Variants in ALDH3A1 observed in about 807,000 individuals in gnomAD.
The protein encoded by ALDH3A1 is aldehyde dehydrogenase, dimeric NADP-preferring.
A neutral mutation model predicts 49.9 loss-of-function variants in ALDH3A1; 46 were observed. The ratio of observed to expected loss-of-function variants is 0.92; its 90% CI spans 0.73 to 1.18. The LOEUF (loss-of-function observed/expected upper bound fraction) is 1.18, where lower values mean the gene tolerates loss of function less well. Among genes scored for constraint, ALDH3A1 ranks in the 50% most tolerant of loss-of-function variants. The pLI is 0.00. For synonymous variants in ALDH3A1, 269 were observed against 253.3 expected, an observed-to-expected ratio of 1.06 and a Z score of -0.59; for missense variants, 592 against 611.8, an observed-to-expected ratio of 0.97 and a Z score of 0.34.
intron 6 of ALDH3A1, 65 bp downstream of exon 6, chr17:19,741,028 A>G: frequency 1.6e-6 from 2 of 1,245,310 alleles, no homozygotes; most frequent in Non-Finnish European, 2.3e-6. Flanking sequence ...AAGTTGGTTA[A>G]GGGGCCAGGC....
rs767868848 is a variant in ALDH3A1, at chr17:19,740,984, G to A, written c.807+109C>T. 1.9e-5 allele frequency: 16 copies of A among 839,814 alleles called. No individual in the cohort carries two copies. The Admixed American group carries it at 2.1e-4, about 11-fold the overall frequency. 52.0% of individuals were successfully genotyped at this position (839,814 alleles called of 1,614,324 possible). The stretch of plus-strand genomic sequence containing the variant: ...CCTAGCTTGCATTATGTTTATATTA[G>A]AAGAAAATAAATCCAGTGTTTCCAA... On this transcript the variant is annotated intron_variant, in intron 6 of 10. Transcript: ENST00000225740.
Position 19,738,336 on chromosome 17 carries a change from G to A in ALDH3A1, c.1334C>T (p.Pro445Leu), listed in dbSNP as rs748884426. 38 of 1,612,734 alleles carry A rather than the reference G, an allele frequency of 2.4e-5. No individual in the cohort carries two copies. Among genetic ancestry groups the A allele is most frequent in the African/African-American group, 8.0e-5 (6 of 74,924 alleles). The change falls in exon 10 of 11, where the codon CCG becomes CTG. Residue 445 changes from proline to leucine, a missense_variant. Transcript: ENST00000225740. ...NDEGLKVRYP[P>L]SPAKMTQH ...TCCCCCTCTCACCTTGGCCGGGCTC[G>A]GGGGGTATCTGACCTTCAGGCCTTC...
At chr17:19,744,133 C>T (rs2086555005) in intron 2 of ALDH3A1, 1 of 985,274 alleles carries the variant, frequency 1.0e-6, no homozygotes, top group Admixed American at 6.1e-5. Context: ...CGCTGTGGCT[C>T]ATGCCTGTAA....
chr17:19,738,168 G>A lies in ALDH3A1; in HGVS notation c.*53C>T, dbSNP rs543788431. The A allele has an allele frequency of 9.2e-5, 148 of 1,612,822 alleles. 1 individual carries two copies. The Middle Eastern group carries it at 2.0e-3, about 22-fold the overall frequency. On this transcript the variant is annotated 3_prime_UTR_variant, in exon 11 of 11. Coordinates refer to ENST00000225740, the MANE Select transcript of ALDH3A1 (RefSeq NM_000691.5). ...AGGGCCAGGAGAGCCAGTGAGGGTGGTCCGCACTCCGATGGGACACAGTAT... is the reference window on the plus strand; with the variant it reads ...AGGGCCAGGAGAGCCAGTGAGGGTGATCCGCACTCCGATGGGACACAGTAT...
rs995051882 is a variant in ALDH3A1 at position 19,743,042 on chromosome 17, C to T, written c.394+190G>A. 3 of 1,532,884 alleles carry T rather than the reference C, an allele frequency of 2.0e-6. No homozygotes were observed. In the Admixed American group the frequency reaches 5.9e-5, roughly 30 times the overall value. 95.0% of individuals were successfully genotyped at this position (1,532,884 alleles called of 1,614,324 possible). ...CTCTCTGTATCACCAGGTGTGGACA[C>T]CTGAGCCTGACTGGACCTCAGGCAC... On this transcript the variant is annotated intron_variant, in intron 3 of 10. Coordinates refer to ENST00000225740, the MANE Select transcript of ALDH3A1 (RefSeq NM_000691.5). This position sits in a 1 kb window ranked among gnomAD's most constrained non-coding sequence, Gnocchi z 4.4.
intron 1 of ALDH3A1, among the ~76,000 whole-genome samples, chr17:19,747,626 C>T (rs2086617555): frequency 6.6e-6 from 1 of 152,096 alleles, no homozygotes. Flanking sequence ...GAGTGGACAC[C>T]ATCACGTCGC....
In ALDH3A1 at chr17:19,739,069, T is replaced by A; in HGVS notation, c.1143A>T (p.Thr381=). ...CGTTGGCCGCCACCCCACCACTGGA[T>A]GTCTCTGCAATCATCTTCTTAATCA... is the stretch of plus-strand genomic sequence containing the variant. The part of the protein sequence containing the change: ...DKVIKKMIAE[T]SSGGVAANDV... Residue 381 remains threonine (T), a synonymous_variant, in exon 9 of 11, where the codon ACA becomes ACT. Coordinates refer to ENST00000225740, the MANE Select transcript of ALDH3A1 (RefSeq NM_000691.5). 1 of 1,613,870 alleles carries A rather than the reference T, an allele frequency of 6.2e-7. No individual in the cohort carries two copies. Among genetic ancestry groups the A allele is most frequent in the South Asian group, 1.1e-5 (1 of 91,048 alleles).
chr17:19,744,805 C>A (rs1474705530), intron 2 of ALDH3A1, 163 bp downstream of exon 2: 7 of 1,359,940 alleles, frequency 5.1e-6, no homozygotes, highest in Admixed American at 3.7e-5. Context: ...GCGCGCGGGG[C>A]GCGGCGGAGG....
chr17:19,741,487 G>A (rs1251273839), intron 5 of ALDH3A1: 3 of 400,168 alleles, frequency 7.5e-6, no homozygotes, highest in South Asian at 6.1e-5. Flanking sequence ...ACAGCCAGGT[G>A]TCACTGCTAC....
In ALDH3A1 at chr17:19,743,848, T is replaced by TGGGAGCTGGATCCGGGCAGGGTGGA; in HGVS notation, c.163-410_163-386dup. On this transcript the variant is annotated intron_variant, in intron 2 of 10. Coordinates refer to ENST00000225740, the MANE Select transcript of ALDH3A1 (RefSeq NM_000691.5). This position sits in a 1 kb window ranked among gnomAD's most constrained non-coding sequence, Gnocchi z 4.4. ...GGGGAGGGGGGATAGATTCGGGCAC[T>TGGGAGCTGGATCCGGGCAGGGTGGA]GGGAGCTGGATCCGGGCAGGGTGGA... The TGGGAGCTGGATCCGGGCAGGGTGGA allele has an allele frequency of 1.0e-6, 1 of 977,038 alleles. No homozygotes were observed. The highest frequency in any genetic ancestry group is 4.8e-5 in the South Asian group (1 of 20,956). The allele number at this position is 977,038 out of a possible 1,614,324, so 60.5% of individuals were successfully genotyped here.
chr17:19,738,286 C>T (rs768369860), intron 10 of ALDH3A1, 37 bp downstream of exon 10: 2 of 1,613,882 alleles, frequency 1.2e-6, no homozygotes, highest in African/African-American at 2.7e-5. Context: ...TGGTCCCGCA[C>T]AGCCCGGTCT....
rs1489245957 is a variant in ALDH3A1 at position 19,742,072 on chromosome 17, G to A, written c.621C>T (p.Val207=). 3.7e-6 allele frequency: 6 copies of A among 1,613,918 alleles called. No individual in the cohort carries two copies. Residue 207 remains valine (V), a synonymous_variant, in exon 5 of 11, where the codon GTC becomes GTT. Coordinates refer to ENST00000225740, the MANE Select transcript of ALDH3A1 (RefSeq NM_000691.5). ...GACTCTTCCCTCCCAGCTCCAGCGT[G>A]ACAGGGGTCAGGTGCTTGGCAGCAG... ...MTAAAKHLTP[V]TLELGGKSPC...
chr17:19,739,771 C>A (rs533556157), intron 7 of ALDH3A1, 97 bp from the exon 8 acceptor site: 4 of 1,430,136 alleles, frequency 2.8e-6, no homozygotes, highest in Non-Finnish European at 3.8e-6. Context: ...CTTTTCCAGG[C>A]AAACCTGCCC....
chr17:19,741,463 C>G (rs191097564), intron 5 of ALDH3A1: 1 of 440,416 alleles, frequency 2.3e-6, no homozygotes. Flanking sequence ...TCCCTGATCA[C>G]GCCCTTGTCC....
intron 8 of ALDH3A1, 47 bp from the exon 9 acceptor site, chr17:19,739,142 G>T: frequency 6.5e-7 from 1 of 1,548,010 alleles, no homozygotes. Context: ...CCCACAGGAT[G>T]CCCCAGCCCC....
At chr17:19,745,638 A>G (rs2086586054) in intron 1 of ALDH3A1, 1 of 152,676 alleles carries the variant, frequency 6.5e-6, no homozygotes, top group Admixed American at 6.5e-5. Flanking sequence ...GAGCTGAACC[A>G]GGCTTGGTGT....
rs1260337437 is a variant in ALDH3A1, at chr17:19,738,358, C to T, written c.1312G>A (p.Gly438Ser). 5.0e-6 allele frequency: 8 copies of T among 1,613,764 alleles called. No homozygotes were observed. Among genetic ancestry groups the T allele is most frequent in the African/African-American group, 1.3e-5 (1 of 74,928 alleles). ...CLVRPLMNDE[G>S]LKVRYPPSPA... is the part of the protein sequence containing the mutation. ...CTCGGGGGGTATCTGACCTTCAGGC[C>T]TTCATCATTCATCAGAGGCCTCACC... Residue 438 changes from glycine (G) to serine (S), a missense_variant, in exon 10 of 11, where the codon GGC (glycine) becomes AGC (serine). Transcript: ENST00000225740.
chr17:19,742,685 C>A (rs552163756), intron 3 of ALDH3A1, 55 bp from the exon 4 acceptor site: 1 of 1,611,984 alleles, frequency 6.2e-7, no homozygotes, highest in Non-Finnish European at 8.5e-7. Flanking sequence ...AGAGGCTCTG[C>A]CCTCCCAAGG....
rs1422656668 is a variant in ALDH3A1 at position 19,738,312 on chromosome 17, C to T, written c.1347+11G>A. ...AGCCCGGTCTCCCCCACAGCGCCTTCCCCCTCTCACCTTGGCCGGGCTCGG... is the reference window on the plus strand; with the variant it reads ...AGCCCGGTCTCCCCCACAGCGCCTTTCCCCTCTCACCTTGGCCGGGCTCGG... On this transcript the variant is annotated intron_variant, in intron 10 of 10. Coordinates refer to ENST00000225740, the MANE Select transcript of ALDH3A1 (RefSeq NM_000691.5). The T allele has an allele frequency of 6.8e-6, 11 of 1,613,460 alleles. No homozygotes were observed. The highest frequency in any genetic ancestry group is 9.3e-6 in the Non-Finnish European group (11 of 1,179,422).
Sources: gnomAD v4.1 joint callset for allele counts (sites outside exome capture counted in the v4.1 genomes callset) on GRCh38, gnomAD v4.1.1 for gene constraint, Gnocchi (gnomAD v3.1) non-coding constraint, MANE v1.5 for transcripts, NCBI Gene and HGNC (gene_info 2026-07-23, HGNC 2026-07-21) for gene names.